Variants in TNFAIP8 observed in about 807,000 individuals in gnomAD.
TNFAIP8 encodes the protein TNF alpha induced protein 8, also known as tumor necrosis factor alpha-induced protein 8.
Under a neutral mutation model 13.3 loss-of-function variants are expected in TNFAIP8, and 7 were observed. The ratio of observed to expected loss-of-function variants is 0.52; its 90% CI spans 0.30 to 0.99. TNFAIP8 has a LOEUF of 0.99. TNFAIP8 is among the 50% of genes least tolerant of loss of function. The pLI is 0.07. For missense variants in TNFAIP8, 258 were observed against 236.9 expected (o/e 1.09, Z -0.58); for synonymous variants, 94 against 87.6 (o/e 1.07, Z -0.41).
intron 1 of TNFAIP8, among the ~76,000 whole-genome samples, chr5:119,325,975 C>T (rs992740520): frequency 1.2e-4 from 19 of 152,242 alleles, no homozygotes; most frequent in Admixed American, 9.8e-4. Flanking sequence ...TTTGCCCTAG[C>T]ACCTTTCACA....
At chr5:119,364,171 G>C (rs1751741560) in intron 1 of TNFAIP8, among the ~76,000 whole-genome samples, 1 of 152,168 alleles carries the variant, frequency 6.6e-6, no homozygotes, top group South Asian at 2.1e-4. Context: ...CTAATCACCT[G>C]ATTGGTTCGT....
chr5:119,347,797 T>A (rs1750961126), intron 1 of TNFAIP8, among the ~76,000 whole-genome samples: 1 of 152,264 alleles, frequency 6.6e-6, no homozygotes, highest in Non-Finnish European at 1.5e-5. Context: ...AGTGTCAGCC[T>A]TGGCTACTCG....
At chr5:119,359,571 T>G (rs762575143) in intron 1 of TNFAIP8, among the ~76,000 whole-genome samples, 2 of 152,120 alleles carry the variant, frequency 1.3e-5, no homozygotes, top group Non-Finnish European at 2.9e-5. Context: ...AAAAAAAAGT[T>G]TAGTTGTTCC....
chr5:119,283,835 A>T (rs1331533603), intron 1 of TNFAIP8, among the ~76,000 whole-genome samples: 1 of 152,220 alleles, frequency 6.6e-6, no homozygotes, highest in Non-Finnish European at 1.5e-5. Flanking sequence ...GCTCCTAAGA[A>T]TCTTCGAGAC....
chr5:119,301,467 G>A (rs541088860), intron 1 of TNFAIP8, among the ~76,000 whole-genome samples: 3 of 152,168 alleles, frequency 2.0e-5, no homozygotes, highest in African/African-American at 7.2e-5. Flanking sequence ...AGCAGCAGCT[G>A]CTTCTTTCCC....
At chr5:119,282,672 A>G (rs1343244969) in intron 1 of TNFAIP8, among the ~76,000 whole-genome samples, 1 of 152,098 alleles carries the variant, frequency 6.6e-6, no homozygotes, top group Non-Finnish European at 1.5e-5. Flanking sequence ...CCTGGGTTTC[A>G]CAGCCTAGGC....
intron 1 of TNFAIP8, among the ~76,000 whole-genome samples, chr5:119,329,025 T>G (rs1342139536): frequency 6.6e-6 from 1 of 152,234 alleles, no homozygotes; most frequent in Non-Finnish European, 1.5e-5. Context: ...AAGAGAGACT[T>G]GAGCATGAAT....
At chr5:119,338,955 G>A (rs1025797531) in intron 1 of TNFAIP8, among the ~76,000 whole-genome samples, 2 of 152,152 alleles carry the variant, frequency 1.3e-5, no homozygotes, top group African/African-American at 4.8e-5. Flanking sequence ...GCTTAGGCGG[G>A]AGGATGTCTT....
intron 1 of TNFAIP8, among the ~76,000 whole-genome samples, chr5:119,389,584 A>G (rs1400299109): frequency 6.6e-5 from 10 of 152,220 alleles, no homozygotes; most frequent in Admixed American, 5.2e-4. Context: ...CACAGACCAC[A>G]CATCCCTGGC....
intron 1 of TNFAIP8, among the ~76,000 whole-genome samples, chr5:119,321,418 C>G (rs1406787981): frequency 1.3e-5 from 2 of 152,040 alleles, no homozygotes; most frequent in South Asian, 4.1e-4. Flanking sequence ...CTAATAACTT[C>G]CAAATTAATG....
chr5:119,290,956 T>G (rs1424242346), intron 1 of TNFAIP8, among the ~76,000 whole-genome samples: 1 of 152,066 alleles, frequency 6.6e-6, no homozygotes, highest in African/African-American at 2.4e-5. Flanking sequence ...GCTAAGGAGT[T>G]TGGACTTTCT....
chr5:119,341,668 A>G (rs1750741154), intron 1 of TNFAIP8, among the ~76,000 whole-genome samples: 1 of 152,250 alleles, frequency 6.6e-6, no homozygotes, highest in Non-Finnish European at 1.5e-5. Context: ...CACAGATTGG[A>G]AGCACATCAA....
intron 1 of TNFAIP8, among the ~76,000 whole-genome samples, chr5:119,282,374 G>A (rs1366694038): frequency 2.6e-5 from 4 of 152,200 alleles, no homozygotes; most frequent in African/African-American, 9.6e-5. Context: ...GTTGGGAACT[G>A]TCCCATCCCT....
rs1227593785 is a variant in TNFAIP8 at position 119,396,643 on chromosome 5, GA to G, written c.*3265del. ...AAAATATTTGAGCAAGTTAAGTTAA[GA>G]AATAGCCTTTTTCTGATTATTAGGC... On this transcript the variant is annotated 3_prime_UTR_variant, in exon 2 of 2. Coordinates refer to ENST00000504771, the MANE Select transcript of TNFAIP8 (RefSeq NM_014350.4). 1 of 152,106 alleles carries G rather than the reference GA, an allele frequency of 6.6e-6. No homozygotes were observed. The highest frequency in any genetic ancestry group is 2.4e-5 in the African/African-American group (1 of 41,414). 9.4% of individuals were successfully genotyped at this position (152,106 alleles called of 1,614,324 possible).
rs145069999 is a variant in TNFAIP8 at position 119,275,495 on chromosome 5, C to A, written c.1+6588C>A. 5.9e-5 allele frequency among the ~76,000 whole-genome samples: 9 copies of A among 152,280 alleles called. No individual in the cohort carries two copies. The East Asian group carries it at 1.7e-3, about 29-fold the overall frequency. ...CAACTCAGGACTCGGAGTTGCCAAGCGGACCGTTTCCCCTAACCCAGGCCT... is the reference window on the plus strand; with the variant it reads ...CAACTCAGGACTCGGAGTTGCCAAGAGGACCGTTTCCCCTAACCCAGGCCT... On this transcript the variant is annotated intron_variant, in intron 1 of 1. Coordinates refer to the TNFAIP8 transcript ENST00000274456.
chr5:119,332,139 T>G (rs1750401275), intron 1 of TNFAIP8, among the ~76,000 whole-genome samples: 1 of 152,154 alleles, frequency 6.6e-6, no homozygotes. Flanking sequence ...TACAGAGATA[T>G]GTTTGTAAAT....
At chr5:119,327,557 C>G (rs901808048) in intron 1 of TNFAIP8, among the ~76,000 whole-genome samples, 3 of 152,184 alleles carry the variant, frequency 2.0e-5, no homozygotes, top group African/African-American at 7.2e-5. Flanking sequence ...CTCCTGGGCT[C>G]AAGCGATTCT....
intron 1 of TNFAIP8, among the ~76,000 whole-genome samples, chr5:119,377,891 A>G (rs1263312354): frequency 2.6e-5 from 4 of 152,158 alleles, no homozygotes; most frequent in Admixed American, 2.6e-4. Context: ...GGCAGTGATT[A>G]CCTACGCAAA....
At chr5:119,366,704 C>T (rs964381888) in intron 1 of TNFAIP8, among the ~76,000 whole-genome samples, 11 of 152,168 alleles carry the variant, frequency 7.2e-5, no homozygotes, top group Admixed American at 2.6e-4. Context: ...TACCTAACTT[C>T]GGGGGGTTTC....
Sources: allele counts gnomAD v4.1 joint callset (sites outside exome capture counted in the v4.1 genomes callset), GRCh38; gene constraint gnomAD v4.1.1; transcripts MANE v1.5; gene names NCBI Gene and HGNC (gene_info 2026-07-23, HGNC 2026-07-21).